Variants in PTPN11 observed in about 807,000 individuals in gnomAD.
The protein encoded by PTPN11 is protein tyrosine phosphatase non-receptor type 11, also known as tyrosine-protein phosphatase non-receptor type 11.
PTPN11 carries 6 observed loss-of-function variants against 78.8 expected under a neutral mutation model. That is an observed-to-expected ratio of 0.08 (90% CI 0.04 to 0.15). PTPN11 has a LOEUF of 0.15. Among genes scored for constraint, PTPN11 ranks in the 10% least tolerant of loss-of-function variants. The pLI, the probability that PTPN11 is intolerant of heterozygous loss-of-function variation, is 1.00. For missense variants in PTPN11, 386 were observed against 744.8 expected (o/e 0.52, Z 5.61); for synonymous variants, 221 against 263.5 (o/e 0.84, Z 1.56).
At chr12:112,456,965 G>A (rs1404090718) in intron 6 of PTPN11, among the ~76,000 whole-genome samples, 1 of 151,960 alleles carries the variant, frequency 6.6e-6, no homozygotes, top group African/African-American at 2.4e-5. Context: ...TAAGTTCTGG[G>A]ATATATGTGC....
chr12:112,424,867 T>G (rs1392901249), intron 1 of PTPN11, among the ~76,000 whole-genome samples: 1 of 135,082 alleles, frequency 7.4e-6, no homozygotes, highest in Admixed American at 8.1e-5. Flanking sequence ...GTCAGGCTAA[T>G]TGTGTGTGTG....
At chr12:112,429,657 A>G (rs1483750749) in intron 1 of PTPN11, among the ~76,000 whole-genome samples, 1 of 151,638 alleles carries the variant, frequency 6.6e-6, no homozygotes, top group Non-Finnish European at 1.5e-5. Flanking sequence ...CAGAAAAATT[A>G]ACTGGGTGTG....
At chr12:112,478,532 G>A (rs115583896) in intron 9 of PTPN11, among the ~76,000 whole-genome samples, 157 of 152,078 alleles carry the variant, frequency 1.0e-3, no homozygotes, top group African/African-American at 3.6e-3. Context: ...TTTTCTCCCC[G>A]TGTTTCATTT....
chr12:112,456,895 T>C (rs937936063), intron 6 of PTPN11, among the ~76,000 whole-genome samples: 1 of 152,136 alleles, frequency 6.6e-6, no homozygotes, highest in Non-Finnish European at 1.5e-5. Context: ...AATTGATAAC[T>C]CTGGTAAGTT....
In PTPN11 at chr12:112,419,025, C is replaced by A. The variant is rs2037470963; in HGVS notation, c.-87C>A. On this transcript the variant is annotated 5_prime_UTR_variant, in exon 1 of 16. Transcript: ENST00000351677. ...TGCCCCGCGTCCGGTCCCGAGCGGG[C>A]CTCCCTCGGGCCAGCCCGATGTGAC... The A allele has an allele frequency of 6.6e-7, 1 of 1,507,580 alleles. No individual in the cohort carries two copies. Among genetic ancestry groups the A allele is most frequent in the Non-Finnish European group, 8.9e-7 (1 of 1,123,118 alleles). The allele number at this position is 1,507,580 out of a possible 1,614,324, so 93.4% of individuals were successfully genotyped here.
At chr12:112,477,042 C>T (rs952797248) in intron 7 of PTPN11, among the ~76,000 whole-genome samples, 3 of 151,220 alleles carry the variant, frequency 2.0e-5, no homozygotes, top group African/African-American at 7.3e-5. Context: ...TTTCTTTTTT[C>T]TTGAGACTGT....
rs574311134 is a variant in PTPN11, at chr12:112,481,386, C to T, written c.1093-688C>T. Among the ~76,000 whole-genome samples, 129 of 152,312 alleles carry T rather than the reference C, an allele frequency of 8.5e-4. 1 individual carries two copies. Among genetic ancestry groups the T allele is most frequent in the African/African-American group, 3.0e-3 (125 of 41,578 alleles). On this transcript the variant is annotated intron_variant, in intron 9 of 15. Coordinates refer to ENST00000351677, the MANE Select transcript of PTPN11 (RefSeq NM_002834.5). ...CTTTGATTCTTTAGAGATAGATAAA[C>T]CAAGCACCGACTCTCCTTTGACATG... is the stretch of plus-strand genomic sequence containing the variant.
In PTPN11 at chr12:112,482,732, G is replaced by A. The variant is rs1187000903; in HGVS notation, c.1224+527G>A. ...ATAAACTGGAAGAGAAGCAGTAGAT[G>A]TGAGAGGTGCCGGGGGGTGAAGTCT... On this transcript the variant is annotated intron_variant, in intron 10 of 15. Transcript: ENST00000351677. The surrounding 1 kb of genome is among the most constrained non-coding windows in gnomAD (Gnocchi z 4.4). Among the ~76,000 whole-genome samples the A allele has an allele frequency of 6.6e-6, 1 of 152,240 alleles. No individual in the cohort carries two copies. Among genetic ancestry groups the A allele is most frequent in the Non-Finnish European group, 1.5e-5 (1 of 68,048 alleles).
At chr12:112,421,660 G>A (rs1299856497) in intron 1 of PTPN11, among the ~76,000 whole-genome samples, 1 of 151,690 alleles carries the variant, frequency 6.6e-6, no homozygotes, top group Non-Finnish European at 1.5e-5. Flanking sequence ...TTTGAGATAG[G>A]GTCTCACTTT....
chr12:112,503,667 G>T (rs975886221), intron 14 of PTPN11, among the ~76,000 whole-genome samples: 1 of 152,148 alleles, frequency 6.6e-6, no homozygotes, highest in Non-Finnish European at 1.5e-5. Flanking sequence ...TTGCCAGACA[G>T]CTCGTCCCTC....
chr12:112,492,575 T>C (rs2135920451), intron 13 of PTPN11, among the ~76,000 whole-genome samples: 1 of 151,900 alleles, frequency 6.6e-6, no homozygotes, highest in African/African-American at 2.4e-5. Flanking sequence ...TGGAGTGCAG[T>C]GGTGCAATCT....
chr12:112,472,587 G>A (rs543366210), intron 6 of PTPN11, among the ~76,000 whole-genome samples: 8 of 150,966 alleles, frequency 5.3e-5, no homozygotes, highest in Admixed American at 2.0e-4. Flanking sequence ...AGGCTGGAGT[G>A]CAGTGGCACA....
intron 1 of PTPN11, among the ~76,000 whole-genome samples, chr12:112,429,506 T>TA (rs2037676638): frequency 1.4e-5 from 2 of 147,096 alleles, no homozygotes; most frequent in South Asian, 4.3e-4. Context: ...TTTTTTTTTT[T>TA]AAGAGACAGG....
intron 6 of PTPN11, among the ~76,000 whole-genome samples, chr12:112,467,433 G>A (rs1296514361): frequency 2.0e-5 from 3 of 152,174 alleles, no homozygotes; most frequent in Non-Finnish European, 4.4e-5. Flanking sequence ...AAGGCAAAAG[G>A]AGGGCAGACG....
At chr12:112,455,009 G>T (rs543113965) in intron 5 of PTPN11, among the ~76,000 whole-genome samples, 1 of 151,242 alleles carries the variant, frequency 6.6e-6, no homozygotes, top group Non-Finnish European at 1.5e-5. Context: ...TAATAGAGAT[G>T]GGGTTTCACC....
intron 11 of PTPN11, among the ~76,000 whole-genome samples, chr12:112,487,379 C>G (rs1445724048): frequency 2.0e-5 from 3 of 152,160 alleles, no homozygotes; most frequent in Non-Finnish European, 4.4e-5. Flanking sequence ...GGTGATCCAC[C>G]TGCCTTGTCC....
intron 9 of PTPN11, 91 bp downstream of exon 9, chr12:112,478,106 A>G (rs1310228268): frequency 7.1e-7 from 1 of 1,417,740 alleles, no homozygotes; most frequent in Non-Finnish European, 9.8e-7. Context: ...TAAATGAATT[A>G]AGCTTACTGT....
chr12:112,454,721 T>C (rs375023869), intron 5 of PTPN11, 41 bp downstream of exon 5: 1 of 1,459,796 alleles, frequency 6.9e-7, no homozygotes, highest in Non-Finnish European at 9.6e-7. Context: ...CTTAAAAACT[T>C]AAAACAAATC....
At chr12:112,424,578 A>G (rs1015434548) in intron 1 of PTPN11, among the ~76,000 whole-genome samples, 6 of 152,138 alleles carry the variant, frequency 3.9e-5, no homozygotes, top group African/African-American at 1.4e-4. Context: ...TTTTGGAGGT[A>G]GTTTTTGTTT....
Sources: gnomAD v4.1 joint callset for allele counts (sites outside exome capture counted in the v4.1 genomes callset) on GRCh38, gnomAD v4.1.1 for gene constraint, Gnocchi (gnomAD v3.1) non-coding constraint, MANE v1.5 for transcripts, NCBI Gene and HGNC (gene_info 2026-07-23, HGNC 2026-07-21) for gene names.